PON1: variants seen among roughly 807,000 people sequenced by gnomAD.
PON1 encodes paraoxonase 1.
In PON1, 37 loss-of-function variants were observed where a neutral mutation model predicts 39.2. The ratio of observed to expected loss-of-function variants is 0.94; its 90% CI spans 0.73 to 1.24. PON1 has a LOEUF of 1.24. Among genes scored for constraint, PON1 ranks in the 50% most tolerant of loss-of-function variants. The pLI, the probability that PON1 is intolerant of heterozygous loss-of-function variation, is 0.00. For missense variants in PON1, 397 were observed against 413.5 expected (o/e 0.96, Z 0.35); for synonymous variants, 148 against 152.2 (o/e 0.97, Z 0.21).
chr7:95,310,164 G>A (rs1807624407), intron 5 of PON1, among the ~76,000 whole-genome samples: 1 of 152,150 alleles, frequency 6.6e-6, no homozygotes, highest in African/African-American at 2.4e-5. Context: ...GTCATCTGGG[G>A]AAACTTAACA....
intron 1 of PON1, among the ~76,000 whole-genome samples, chr7:95,323,542 A>T (rs1469966459): frequency 2.0e-5 from 3 of 152,174 alleles, no homozygotes; most frequent in Non-Finnish European, 4.4e-5. Flanking sequence ...CTTTAAAGTA[A>T]ATAAGGCATT....
intron 7 of PON1, among the ~76,000 whole-genome samples, chr7:95,304,661 A>C (rs1227858646): frequency 2.0e-5 from 3 of 152,168 alleles, no homozygotes; most frequent in Non-Finnish European, 2.9e-5. Context: ...AAGGCTGAAC[A>C]ATATCCAATT....
At chr7:95,311,848 C>T (rs564942497) in intron 4 of PON1, among the ~76,000 whole-genome samples, 3 of 152,280 alleles carry the variant, frequency 2.0e-5, no homozygotes, top group South Asian at 2.1e-4. Flanking sequence ...CACTAAAACT[C>T]CAAAGAATCC....
At chr7:95,307,850 A>C (rs1380484940) in intron 6 of PON1, among the ~76,000 whole-genome samples, 161 bp downstream of exon 6, 1 of 152,218 alleles carries the variant, frequency 6.6e-6, no homozygotes, top group Non-Finnish European at 1.5e-5. Flanking sequence ...TGATTTGATA[A>C]ATTTCACCCC....
chr7:95,323,601 G>T (rs1237619094), intron 1 of PON1, among the ~76,000 whole-genome samples: 1 of 152,110 alleles, frequency 6.6e-6, no homozygotes, highest in East Asian at 1.9e-4. Context: ...TTGAACTCCT[G>T]TTAAAAGTTA....
chr7:95,319,942 T>C (rs1004528578), intron 1 of PON1, among the ~76,000 whole-genome samples: 1 of 152,220 alleles, frequency 6.6e-6, no homozygotes, highest in African/African-American at 2.4e-5. Context: ...TTATTTATTT[T>C]TAAATGTTGG....
intron 6 of PON1, among the ~76,000 whole-genome samples, chr7:95,307,551 A>G (rs1358875207): frequency 2.0e-5 from 3 of 152,246 alleles, no homozygotes; most frequent in African/African-American, 4.8e-5. Flanking sequence ...AATCAAATAC[A>G]TCACTAAGCA....
intron 5 of PON1, 21 bp downstream of exon 5, chr7:95,311,429 GA>G: frequency 6.2e-7 from 1 of 1,613,280 alleles, no homozygotes. Context: ...AAGGAAAATA[GA>G]AATGTGATAT....
chr7:95,316,646 T>C, intron 3 of PON1, 88 bp downstream of exon 3: 3 of 1,053,536 alleles, frequency 2.8e-6, no homozygotes, highest in Non-Finnish European at 4.5e-6. Context: ...AAAGTGGGCA[T>C]GGGTATACAG....
At chr7:95,320,036 C>T (rs1322252994) in intron 1 of PON1, among the ~76,000 whole-genome samples, 1 of 152,134 alleles carries the variant, frequency 6.6e-6, no homozygotes, top group South Asian at 2.1e-4. Flanking sequence ...TTGTAGCATG[C>T]CCTCAAGGAA....
Position 95,318,380 on chromosome 7 carries a change from C to T in PON1, c.88G>A (p.Ala30Thr). Residue 30 changes from alanine to threonine, a missense_variant, in exon 2 of 9, where the codon GCT (alanine) becomes ACT (threonine). Ala to Thr is a moderately conservative substitution (Grantham distance 58). Transcript: ENST00000222381. ...HQSSYQTRLN[A>T]LREVQPVELP... is the part of the protein sequence containing the mutation. ...TCTACGGGTTGTACCTCTCGGAGAG[C>T]ATTAAGTCGTGTTCTGTGGGGGAGA... The T allele has an allele frequency of 6.2e-7, 1 of 1,608,278 alleles. No individual in the cohort carries two copies. Among genetic ancestry groups the T allele is most frequent in the South Asian group, 1.1e-5 (1 of 90,976 alleles).
At position 95,311,352 on chromosome 7, in the gene PON1, T is replaced by G. The variant is rs3917523; in HGVS notation, c.497+99A>C. On this transcript the variant is annotated intron_variant, in intron 5 of 8. Transcript: ENST00000222381. The stretch of plus-strand genomic sequence containing the variant: ...AGTTTGTGATCATTAGAAATGAGAG[T>G]TGAACAGCCATACCTACTCTGGCCA... 17 of 1,420,226 alleles carry G rather than the reference T, an allele frequency of 1.2e-5. No homozygotes were observed. The African/African-American group carries it at 2.4e-4, about 20-fold the overall frequency. 88.0% of individuals were successfully genotyped at this position (1,420,226 alleles called of 1,614,324 possible). A position where few individuals can be genotyped will look rare whatever the true frequency, so the allele number is the denominator to read the frequency against.
chr7:95,298,205 C>T lies in PON1; in HGVS notation c.*739G>A, dbSNP rs927288013. On this transcript the variant is annotated 3_prime_UTR_variant, in exon 9 of 9. Transcript: ENST00000222381. ...CCAGTCATCGAAGTGAACAAACTTC[C>T]TTTAACCAAGTCAAAGACACTCAAA... The T allele has an allele frequency of 2.0e-5, 3 of 152,882 alleles. No homozygotes were observed. The highest frequency in any genetic ancestry group is 7.2e-5 in the African/African-American group (3 of 41,422). The allele number at this position is 152,882 out of a possible 1,614,324, so 9.5% of individuals were successfully genotyped here.
At chr7:95,301,905 A>T (rs1361275695) in intron 8 of PON1, among the ~76,000 whole-genome samples, 2 of 142,470 alleles carry the variant, frequency 1.4e-5, no homozygotes, top group African/African-American at 2.6e-5. Flanking sequence ...GGCCAACAGG[A>T]TGAAACCCTG....
intron 4 of PON1, among the ~76,000 whole-genome samples, chr7:95,313,846 A>G (rs1019981873): frequency 6.6e-6 from 1 of 152,176 alleles, no homozygotes; most frequent in African/African-American, 2.4e-5. Flanking sequence ...CCTAGAAAGC[A>G]GGCAGTGTGA....
intron 7 of PON1, among the ~76,000 whole-genome samples, chr7:95,302,615 T>A (rs1400035462): frequency 3.3e-5 from 5 of 150,614 alleles, no homozygotes; most frequent in Admixed American, 1.3e-4. Flanking sequence ...CCAACATCTG[T>A]GCATGAACCT....
intron 3 of PON1, 112 bp downstream of exon 3, chr7:95,316,622 G>GA: frequency 2.2e-6 from 2 of 901,022 alleles, no homozygotes; most frequent in Non-Finnish European, 3.8e-6. Flanking sequence ...AACCATGACT[G>GA]TTCATTTTAT....
intron 1 of PON1, among the ~76,000 whole-genome samples, chr7:95,321,139 A>G (rs1807887818): frequency 6.6e-6 from 1 of 152,094 alleles, no homozygotes; most frequent in Non-Finnish European, 1.5e-5. Flanking sequence ...GCTCTTTTCA[A>G]TCAACCAGCT....
intron 5 of PON1, among the ~76,000 whole-genome samples, chr7:95,310,597 C>T (rs1209957733): frequency 6.6e-6 from 1 of 152,112 alleles, no homozygotes; most frequent in East Asian, 1.9e-4. Flanking sequence ...TTTTCCTCAT[C>T]CTCAAACCAC....
Sources: gnomAD v4.1 joint callset for allele counts (sites outside exome capture counted in the v4.1 genomes callset) on GRCh38, gnomAD v4.1.1 for gene constraint, MANE v1.5 for transcripts, NCBI Gene and HGNC (gene_info 2026-07-23, HGNC 2026-07-21) for gene names.